Variants in MTHFD2L observed in about 807,000 individuals in gnomAD.
MTHFD2L encodes the protein bifunctional methylenetetrahydrofolate dehydrogenase/cyclohydrolase 2, mitochondrial.
A neutral mutation model predicts 34.9 loss-of-function variants in MTHFD2L; 29 were observed. The ratio of observed to expected loss-of-function variants is 0.83; its 90% CI spans 0.62 to 1.13. The LOEUF is 1.13. Ranked by LOEUF, MTHFD2L falls within the 50% of genes most tolerant of loss-of-function variation. The probability of loss-of-function intolerance (pLI) is 0.00; values close to 1 mark genes in which losing one functional copy is unlikely to be tolerated. For missense variants in MTHFD2L, 481 were observed against 446.5 expected, an observed-to-expected ratio of 1.08 and a Z score of -0.70; for synonymous variants, 167 against 155.7, an observed-to-expected ratio of 1.07 and a Z score of -0.54.
chr4:74,254,471 G>A (rs183315181), intron 6 of MTHFD2L, among the ~76,000 whole-genome samples: 2 of 152,090 alleles, frequency 1.3e-5, no homozygotes, highest in African/African-American at 4.8e-5. Context: ...CCAAGAGAGT[G>A]TCATGGTATA....
chr4:74,174,660 A>G lies in MTHFD2L; in HGVS notation c.298A>G (p.Arg100Gly), dbSNP rs201963568. The G allele has an allele frequency of 6.4e-7, 1 of 1,571,448 alleles. No individual in the cohort carries two copies. Among genetic ancestry groups the G allele is most frequent in the Non-Finnish European group, 8.6e-7 (1 of 1,161,558 alleles). Residue 100 changes from arginine (R) to glycine (G), a missense_variant, in exon 2 of 8, where the codon AGG becomes GGG. Transcript: ENST00000325278. ...GDNPASHTYVRNKIRAASAVG... is the reference protein window; with the variant it reads ...GDNPASHTYVGNKIRAASAVG... ...TAACCCAGCAAGCCATACATATGTC[A>G]GGAATAAGATAAGAGCTGCCTCTGC...
chr4:74,275,715 T>C (rs962432869), intron 6 of MTHFD2L, among the ~76,000 whole-genome samples: 1 of 152,158 alleles, frequency 6.6e-6, no homozygotes, highest in Admixed American at 6.6e-5. Context: ...GCTTTTTTTT[T>C]TTATGTGTAT....
intron 1 of MTHFD2L, among the ~76,000 whole-genome samples, chr4:74,136,511 T>C (rs1012834496): frequency 6.6e-6 from 1 of 152,118 alleles, no homozygotes; most frequent in African/African-American, 2.4e-5. Context: ...TCTCCGCTCA[T>C]GGATTGGAAG....
At chr4:74,222,024 TA>T (rs1220177106) in intron 5 of MTHFD2L, among the ~76,000 whole-genome samples, 1 of 151,926 alleles carries the variant, frequency 6.6e-6, no homozygotes, top group Non-Finnish European at 1.5e-5. Flanking sequence ...GAAAAATATA[TA>T]TTTTTTTATT....
At chr4:74,208,630 A>G in intron 5 of MTHFD2L, among the ~76,000 whole-genome samples, 1 of 152,136 alleles carries the variant, frequency 6.6e-6, no homozygotes. Flanking sequence ...ATTGGGTGAA[A>G]AGGAAAAACT....
chr4:74,150,798 T>C (rs1723887925), intron 1 of MTHFD2L, among the ~76,000 whole-genome samples: 2 of 152,146 alleles, frequency 1.3e-5, no homozygotes, highest in Middle Eastern at 3.5e-3. Flanking sequence ...TATATAAATA[T>C]ATACATGTGA....
chr4:74,148,124 T>G (rs541495635), intron 1 of MTHFD2L, among the ~76,000 whole-genome samples: 56 of 152,132 alleles, frequency 3.7e-4, no homozygotes, highest in Middle Eastern at 6.8e-3. Flanking sequence ...AAAGACTACC[T>G]TTTCCACATC....
intron 6 of MTHFD2L, chr4:74,267,599 T>G: frequency 2.7e-6 from 1 of 377,046 alleles, no homozygotes; most frequent in Non-Finnish European, 3.7e-6. Context: ...TGTTTGCTTG[T>G]TTGTTTGTTG....
Position 74,144,968 on chromosome 4 carries a change from G to A in MTHFD2L, c.-296-15087G>A, listed in dbSNP as rs1723501785. On this transcript the variant is annotated intron_variant, in intron 1 of 7. Coordinates refer to the MTHFD2L transcript ENST00000433372. ...TCCATAGCTAACAGCAAAGATATCT[G>A]ATCCTCACCTCACACTGTGCATTGG... is the stretch of plus-strand genomic sequence containing the variant. 3.9e-5 allele frequency among the ~76,000 whole-genome samples: 6 copies of A among 152,198 alleles called. No individual in the cohort carries two copies. In the South Asian group the frequency reaches 1.2e-3, roughly 32 times the overall value.
chr4:74,171,378 CT>C (rs1260502624), intron 1 of MTHFD2L, among the ~76,000 whole-genome samples: 1 of 152,176 alleles, frequency 6.6e-6, no homozygotes, highest in Non-Finnish European at 1.5e-5. Context: ...GCAACCAGAA[CT>C]CATATAGTGT....
At chr4:74,289,042 T>C (rs531724861) in intron 7 of MTHFD2L, among the ~76,000 whole-genome samples, 35 of 152,314 alleles carry the variant, frequency 2.3e-4, no homozygotes, top group Non-Finnish European at 4.9e-4. Flanking sequence ...CTATTGAGCA[T>C]CTGCTATGTG....
At chr4:74,233,596 A>C (rs920830958) in intron 6 of MTHFD2L, among the ~76,000 whole-genome samples, 1 of 152,120 alleles carries the variant, frequency 6.6e-6, no homozygotes, top group Non-Finnish European at 1.5e-5. Flanking sequence ...ATGAAAATAT[A>C]TGAAAATTTA....
chr4:74,165,441 T>C (rs1347195027), intron 1 of MTHFD2L, among the ~76,000 whole-genome samples: 1 of 152,152 alleles, frequency 6.6e-6, no homozygotes, highest in African/African-American at 2.4e-5. Flanking sequence ...CACTGCAACC[T>C]CCGCCTCCTG....
chr4:74,121,491 C>T (rs1721757554), upstream of MTHFD2L, among the ~76,000 whole-genome samples: 2 of 150,358 alleles, frequency 1.3e-5, no homozygotes, highest in Admixed American at 6.8e-5. Flanking sequence ...CTGCAGGTGT[C>T]ACTGCCTCCC....
chr4:74,214,131 T>C (rs1736801247), intron 5 of MTHFD2L, among the ~76,000 whole-genome samples: 1 of 151,762 alleles, frequency 6.6e-6, no homozygotes, highest in South Asian at 2.1e-4. Context: ...AAGGTTCTTA[T>C]CTTCCTTGCA....
chr4:74,249,963 G>A (rs1464806017), intron 6 of MTHFD2L, among the ~76,000 whole-genome samples: 6 of 152,170 alleles, frequency 3.9e-5, no homozygotes, highest in African/African-American at 1.4e-4. Context: ...GTGTCTTGGA[G>A]TTGCTCTTCT....
At chr4:74,294,876 A>G (rs1749439563) in intron 7 of MTHFD2L, among the ~76,000 whole-genome samples, 1 of 152,130 alleles carries the variant, frequency 6.6e-6, no homozygotes, top group Non-Finnish European at 1.5e-5. Flanking sequence ...AAGAGAGAAC[A>G]CGGAAGATTA....
At chr4:74,127,136 G>T (rs1437320948) in intron 1 of MTHFD2L, among the ~76,000 whole-genome samples, 1 of 152,118 alleles carries the variant, frequency 6.6e-6, no homozygotes, top group East Asian at 1.9e-4. Context: ...AGTCAATTAT[G>T]CCTCTTTTCT....
chr4:74,177,214 CTA>C (rs1231090138), intron 3 of MTHFD2L, among the ~76,000 whole-genome samples: 1 of 151,848 alleles, frequency 6.6e-6, no homozygotes, highest in Non-Finnish European at 1.5e-5. Flanking sequence ...AAAATGAGAT[CTA>C]GAGAAGATCA....
Sources: gnomAD v4.1 joint callset for allele counts (sites outside exome capture counted in the v4.1 genomes callset) on GRCh38, gnomAD v4.1.1 for gene constraint, MANE v1.5 for transcripts, NCBI Gene and HGNC (gene_info 2026-07-23, HGNC 2026-07-21) for gene names.